CADPS2: variants seen among roughly 807,000 people sequenced by gnomAD.
CADPS2 encodes calcium-dependent secretion activator 2.
In CADPS2, 93 loss-of-function variants were observed where a neutral mutation model predicts 172.5. The ratio of observed to expected loss-of-function variants is 0.54; its 90% CI spans 0.46 to 0.64. The LOEUF (loss-of-function observed/expected upper bound fraction) is 0.64, where lower values mean the gene tolerates loss of function less well. CADPS2 is among the 30% of genes least tolerant of loss of function. The probability of loss-of-function intolerance (pLI) is 0.00; values close to 1 mark genes in which losing one functional copy is unlikely to be tolerated. For synonymous variants in CADPS2, 546 were observed against 555.2 expected (o/e 0.98, Z 0.23); for missense variants, 1,420 against 1,565.9 (o/e 0.91, Z 1.57).
intron 1 of CADPS2, among the ~76,000 whole-genome samples, chr7:122,779,788 T>G (rs1276499980): frequency 1.3e-5 from 2 of 152,206 alleles, no homozygotes; most frequent in Non-Finnish European, 2.9e-5. Flanking sequence ...TTTGTTGTCC[T>G]ATGCTCTGTC....
intron 2 of CADPS2, chr7:122,701,721 C>T: frequency 1.5e-6 from 1 of 658,858 alleles, no homozygotes; most frequent in Non-Finnish European, 2.5e-6. Context: ...CTTGTTCATA[C>T]TTGGGTAGAG....
intron 9 of CADPS2, among the ~76,000 whole-genome samples, chr7:122,510,882 C>T (rs887914461): frequency 5.9e-5 from 9 of 152,078 alleles, no homozygotes; most frequent in Admixed American, 1.3e-4. Flanking sequence ...CTTCCCATTA[C>T]GTTTGGAATT....
intron 11 of CADPS2, among the ~76,000 whole-genome samples, chr7:122,482,583 T>A (rs1451277543): frequency 6.6e-6 from 1 of 152,080 alleles, no homozygotes; most frequent in Non-Finnish European, 1.5e-5. Flanking sequence ...TCTAAAAAAA[T>A]TTACAAAAAG....
intron 5 of CADPS2, among the ~76,000 whole-genome samples, chr7:122,617,433 C>G (rs2075050655): frequency 6.6e-6 from 1 of 152,174 alleles, no homozygotes. Context: ...CCCAGCAAAA[C>G]TTGCTAATGG....
intron 2 of CADPS2, among the ~76,000 whole-genome samples, chr7:122,733,445 AT>A (rs1215169513): frequency 6.8e-6 from 1 of 148,068 alleles, no homozygotes; most frequent in Non-Finnish European, 1.5e-5. Flanking sequence ...TCTAGAAGTT[AT>A]AAGGTCTGCA....
chr7:122,663,666 C>A, intron 2 of CADPS2, 97 bp from the exon 3 acceptor site: 1 of 867,394 alleles, frequency 1.2e-6, no homozygotes, highest in Non-Finnish European at 1.7e-6. Flanking sequence ...AGAGTTTCTA[C>A]AAATATTTCA....
At chr7:122,563,063 A>G (rs1401376815) in intron 7 of CADPS2, among the ~76,000 whole-genome samples, 3 of 152,086 alleles carry the variant, frequency 2.0e-5, no homozygotes, top group African/African-American at 7.2e-5. Context: ...CAGTCACTGT[A>G]TTTTTCAAGG....
chr7:122,848,975 G>T (rs897471868), intron 1 of CADPS2, among the ~76,000 whole-genome samples: 23 of 152,130 alleles, frequency 1.5e-4, no homozygotes, highest in African/African-American at 5.3e-4. Context: ...TTCATGCAAA[G>T]GCATGAAACC....
intron 14 of CADPS2, among the ~76,000 whole-genome samples, chr7:122,461,388 C>A (rs2054408230): frequency 6.6e-6 from 1 of 152,044 alleles, no homozygotes; most frequent in South Asian, 2.1e-4. Context: ...GAAATGCACA[C>A]CTATACAATA....
chr7:122,797,641 TGATGAGAACACATG>T (rs1400689287), intron 1 of CADPS2, among the ~76,000 whole-genome samples: 1 of 151,554 alleles, frequency 6.6e-6, no homozygotes, highest in Non-Finnish European at 1.5e-5. Flanking sequence ...GGGAGCTAAA[TGATGAGAACACATG>T]GACACCTAGA....
chr7:122,583,783 A>C (rs1212390964), intron 6 of CADPS2, among the ~76,000 whole-genome samples: 2 of 151,296 alleles, frequency 1.3e-5, no homozygotes, highest in South Asian at 2.1e-4. Flanking sequence ...TCATATACAT[A>C]ACATACATAT....
intron 2 of CADPS2, among the ~76,000 whole-genome samples, chr7:122,736,377 A>G (rs975113381): frequency 1.3e-5 from 2 of 152,182 alleles, no homozygotes; most frequent in African/African-American, 4.8e-5. Flanking sequence ...TGAATTCTCT[A>G]AACTAACAGC....
chr7:122,850,193 T>C, intron 1 of CADPS2: 1 of 1,089,732 alleles, frequency 9.2e-7, no homozygotes, highest in Non-Finnish European at 1.2e-6. Context: ...GCTGATAGAG[T>C]ACCCTGAGGC....
At chr7:122,472,141 G>A (rs1406470555) in intron 13 of CADPS2, among the ~76,000 whole-genome samples, 1 of 152,146 alleles carries the variant, frequency 6.6e-6, no homozygotes, top group African/African-American at 2.4e-5. Flanking sequence ...GTGTGTGCAT[G>A]CATGCCACCT....
At chr7:122,413,620 C>T (rs1376984443) in intron 19 of CADPS2, among the ~76,000 whole-genome samples, 1 of 152,166 alleles carries the variant, frequency 6.6e-6, no homozygotes, top group East Asian at 1.9e-4. Context: ...GAGCCAGGTG[C>T]TCTTTCATGG....
chr7:122,841,019 C>A (rs1437513852), intron 1 of CADPS2, among the ~76,000 whole-genome samples: 1 of 151,946 alleles, frequency 6.6e-6, no homozygotes, highest in African/African-American at 2.4e-5. Context: ...AACTGTTTTA[C>A]AATACTGTAA....
In CADPS2 at chr7:122,835,606, A is replaced by C. The variant is rs190622654; in HGVS notation, c.339+50393T>G. ...GTCCTTAAATGACCTGATGGAACTG[A>C]AAACCATGGCATGAGAACTACGTGA... On this transcript the variant is annotated intron_variant, in intron 1 of 29. Coordinates refer to ENST00000449022, the MANE Select transcript of CADPS2 (RefSeq NM_017954.11). 1.1e-4 allele frequency among the ~76,000 whole-genome samples: 17 copies of C among 152,380 alleles called. 1 individual carries two copies. In the East Asian group the frequency reaches 2.9e-3, roughly 26 times the overall value.
At chr7:122,882,393 T>C (rs1412536668) in intron 1 of CADPS2, among the ~76,000 whole-genome samples, 5 of 152,080 alleles carry the variant, frequency 3.3e-5, no homozygotes, top group African/African-American at 9.7e-5. Flanking sequence ...TTATTTCTAG[T>C]TAAAAAATAC....
chr7:122,837,123 C>T (rs980203963), intron 1 of CADPS2, among the ~76,000 whole-genome samples: 3 of 152,170 alleles, frequency 2.0e-5, no homozygotes, highest in Non-Finnish European at 2.9e-5. Flanking sequence ...GATTAAGAAA[C>T]TCACTCAAAA....
Sources: allele counts gnomAD v4.1 joint callset (sites outside exome capture counted in the v4.1 genomes callset), GRCh38; gene constraint gnomAD v4.1.1; transcripts MANE v1.5; gene names NCBI Gene and HGNC (gene_info 2026-07-23, HGNC 2026-07-21).